DNAJB11: variants seen among roughly 807,000 people sequenced by gnomAD.
DNAJB11 encodes the protein DnaJ heat shock protein family (Hsp40) member B11, also known as dnaJ homolog subfamily B member 11.
In DNAJB11, 30 loss-of-function variants were observed where a neutral mutation model predicts 47.2. The ratio of observed to expected loss-of-function variants is 0.64; its 90% confidence interval spans 0.48 to 0.86. The LOEUF (loss-of-function observed/expected upper bound fraction) is 0.86, where lower values mean the gene tolerates loss of function less well. Ranked by LOEUF, DNAJB11 falls within the 40% of genes least tolerant of loss-of-function variation. DNAJB11 has a pLI of 0.00. For synonymous variants in DNAJB11, 151 were observed against 159.9 expected, an observed-to-expected ratio of 0.94 and a Z score of 0.42; for missense variants, 357 against 440.2, an observed-to-expected ratio of 0.81 and a Z score of 1.69.
At chr3:186,582,674 A>AAAT in intron 6 of DNAJB11, 42 bp from the exon 7 acceptor site, 1 of 1,509,018 alleles carries the variant, frequency 6.6e-7, no homozygotes. Context: ...TGTGGTATTC[A>AAAT]ACTTGTATGA....
intron 4 of DNAJB11, chr3:186,578,472 AATTG>A (rs1287049206): frequency 6.6e-6 from 1 of 152,200 alleles, no homozygotes; most frequent in Non-Finnish European, 1.5e-5. Context: ...TTGCTTTTGA[AATTG>A]ATTGTACTGA....
chr3:186,571,957 G>T (rs1715075094), intron 1 of DNAJB11, 138 bp from the exon 2 acceptor site: 2 of 589,138 alleles, frequency 3.4e-6, no homozygotes, highest in Non-Finnish European at 5.6e-6. Context: ...CTTTGTGTGT[G>T]TATGTGTCAC....
chr3:186,571,404 C>G (rs1715048896), intron 1 of DNAJB11, among the ~76,000 whole-genome samples: 1 of 152,104 alleles, frequency 6.6e-6, no homozygotes, highest in Non-Finnish European at 1.5e-5. Context: ...GTTGCTGTGC[C>G]CCGCTGAGGT....
At chr3:186,584,323 T>C (rs2108486605) in intron 8 of DNAJB11, 107 bp from the exon 9 acceptor site, 1 of 1,146,070 alleles carries the variant, frequency 8.7e-7, no homozygotes, top group Non-Finnish European at 1.2e-6. Flanking sequence ...ATTCTTTCTT[T>C]TTGCTGAGCT....
chr3:186,581,346 C>G (rs1321849430), intron 4 of DNAJB11, 25 bp from the exon 5 acceptor site: 1 of 1,612,110 alleles, frequency 6.2e-7, no homozygotes, highest in Non-Finnish European at 8.5e-7. Flanking sequence ...AAGAGAGAAG[C>G]TGATGTTGTT....
At chr3:186,583,385 C>G (rs1444438390) in intron 7 of DNAJB11, among the ~76,000 whole-genome samples, 1 of 152,230 alleles carries the variant, frequency 6.6e-6, no homozygotes, top group Non-Finnish European at 1.5e-5. Flanking sequence ...TCCCCAGCTT[C>G]TTTACCTACC....
intron 1 of DNAJB11, 114 bp from the exon 2 acceptor site, chr3:186,571,981 T>G (rs745441260): frequency 6.8e-6 from 6 of 885,196 alleles, no homozygotes; most frequent in Non-Finnish European, 9.9e-6. Flanking sequence ...AACCTTCATT[T>G]TTATACCTCT....
In DNAJB11 at chr3:186,570,810, C is replaced by G; in HGVS notation, c.-88C>G. The G allele has an allele frequency of 2.2e-6, 3 of 1,336,290 alleles. No individual in the cohort carries two copies. The highest frequency in any genetic ancestry group is 3.1e-6 in the Non-Finnish European group (3 of 960,190). 82.8% of individuals were successfully genotyped at this position (1,336,290 alleles called of 1,614,324 possible). A position where few individuals can be genotyped will look rare whatever the true frequency, so the allele number is the denominator to read the frequency against. The stretch of plus-strand genomic sequence containing the variant: ...CCGCGCCCCCCCGGTGTGAGGCGGC[C>G]TCACAGGGCCGGGTGGGCTGGCGAG... On this transcript the variant is annotated 5_prime_UTR_variant, in exon 1 of 10. Transcript: ENST00000265028.
chr3:186,581,318 G>T, intron 4 of DNAJB11, 53 bp from the exon 5 acceptor site: 1 of 1,598,728 alleles, frequency 6.3e-7, no homozygotes, highest in Non-Finnish European at 8.5e-7. Context: ...ATTGAGGAAA[G>T]GAAAGGCTGT....
At chr3:186,576,237 C>G (rs57150022) in intron 3 of DNAJB11, among the ~76,000 whole-genome samples, 40,396 of 152,076 alleles carry the variant, frequency 0.27, 6,755 homozygotes, top group African/African-American at 0.47. Context: ...TGCTACCTTG[C>G]AATCTGCAAA....
At position 186,572,665 on chromosome 3, in the gene DNAJB11, A is replaced by G. The variant is rs1040326235; in HGVS notation, c.225+414A>G. ...AAAGAAAGCCTTCATGAGAGTTGCAAACCTGCATGTTCATATGAACTAGAC... is the reference window on the plus strand; with the variant it reads ...AAAGAAAGCCTTCATGAGAGTTGCAGACCTGCATGTTCATATGAACTAGAC... On this transcript the variant is annotated intron_variant, in intron 2 of 9. Transcript: ENST00000265028. Among the ~76,000 whole-genome samples the G allele has an allele frequency of 5.9e-5, 9 of 152,362 alleles. No homozygotes were observed. In the South Asian group the frequency reaches 1.7e-3, roughly 28 times the overall value.
chr3:186,571,995 C>G, intron 1 of DNAJB11, 100 bp from the exon 2 acceptor site: 4 of 1,056,702 alleles, frequency 3.8e-6, no homozygotes, highest in Non-Finnish European at 5.3e-6. Flanking sequence ...TACCTCTTTG[C>G]TCAGATACAA....
intron 4 of DNAJB11, 127 bp from the exon 5 acceptor site, chr3:186,581,244 C>T: frequency 9.0e-7 from 1 of 1,106,288 alleles, no homozygotes; most frequent in Non-Finnish European, 1.3e-6. Flanking sequence ...CTTTAGATCT[C>T]TGAGGGATAG....
intron 1 of DNAJB11, among the ~76,000 whole-genome samples, 160 bp from the exon 2 acceptor site, chr3:186,571,935 T>C (rs1715074469): frequency 6.6e-6 from 1 of 152,244 alleles, no homozygotes; most frequent in Non-Finnish European, 1.5e-5. Flanking sequence ...TGGTGTTCTC[T>C]CTTTAGTCAT....
intron 2 of DNAJB11, among the ~76,000 whole-genome samples, chr3:186,572,714 A>C (rs1192232920): frequency 1.3e-5 from 2 of 152,240 alleles, no homozygotes; most frequent in African/African-American, 4.8e-5. Context: ...GGCAGGTATA[A>C]GTTAAAACAT....
At chr3:186,575,763 A>C in intron 2 of DNAJB11, 77 bp from the exon 3 acceptor site, 1 of 1,179,674 alleles carries the variant, frequency 8.5e-7, no homozygotes, top group South Asian at 1.3e-5. Context: ...CAAAGTAAAA[A>C]CAAACATAAA....
chr3:186,575,206 C>CAT (rs59929716), intron 2 of DNAJB11, among the ~76,000 whole-genome samples: 40,126 of 151,452 alleles, frequency 0.26, 6,653 homozygotes, highest in African/African-American at 0.47. Context: ...CAAACTTAAA[C>CAT]ATATATATAT....
Position 186,572,259 on chromosome 3 carries a change from G to C in DNAJB11, c.225+8G>C, listed in dbSNP as rs1027259625. On this transcript the variant is annotated splice_region_variant and intron_variant, in intron 2 of 9. Coordinates refer to ENST00000265028, the MANE Select transcript of DNAJB11 (RefSeq NM_016306.6). ...CTGGGTGCTGCTTATGAGGTGAGTTGGGAAAAGTGATAAAGTACGAATAAA... is the reference window on the plus strand; with the variant it reads ...CTGGGTGCTGCTTATGAGGTGAGTTCGGAAAAGTGATAAAGTACGAATAAA... 3 of 1,597,190 alleles carry C rather than the reference G, an allele frequency of 1.9e-6. No individual in the cohort carries two copies. The African/African-American group carries it at 4.1e-5, about 22-fold the overall frequency.
rs1480169503 is a variant in DNAJB11 at position 186,583,852 on chromosome 3, AT to A, written c.741-11del. ...GTTGGAAATTAATGATTTTTACCTT[AT>A]TCTGTTTTTAGGCACCCAATATTTG... On this transcript the variant is annotated splice_polypyrimidine_tract_variant and intron_variant, in intron 7 of 9. Coordinates refer to ENST00000265028, the MANE Select transcript of DNAJB11 (RefSeq NM_016306.6). 6.3e-7 allele frequency: 1 copy of A among 1,592,864 alleles called. No individual in the cohort carries two copies. The highest frequency in any genetic ancestry group is 1.7e-5 in the Admixed American group (1 of 59,914).
Sources: allele counts gnomAD v4.1 joint callset (sites outside exome capture counted in the v4.1 genomes callset), GRCh38; gene constraint gnomAD v4.1.1; transcripts MANE v1.5; gene names NCBI Gene and HGNC (gene_info 2026-07-23, HGNC 2026-07-21).